SOX6: variants seen among roughly 807,000 people sequenced by gnomAD.
SOX6 encodes the protein transcription factor SOX-6.
A neutral mutation model predicts 97.8 loss-of-function variants in SOX6; 11 were observed. That is an observed-to-expected ratio of 0.11 (90% confidence interval 0.07 to 0.19). The LOEUF (loss-of-function observed/expected upper bound fraction) is 0.19, where lower values mean the gene tolerates loss of function less well. Ranked by LOEUF, SOX6 falls within the 10% of genes least tolerant of loss-of-function variation. SOX6 has a pLI of 1.00. For missense variants in SOX6, 810 were observed against 1,039.5 expected, an observed-to-expected ratio of 0.78 and a Z score of 3.04; for synonymous variants, 360 against 371.4, an observed-to-expected ratio of 0.97 and a Z score of 0.35.
chr11:16,263,848 C>T (rs958064551), intron 3 of SOX6, among the ~76,000 whole-genome samples: 1 of 151,788 alleles, frequency 6.6e-6, no homozygotes, highest in East Asian at 1.9e-4. Context: ...ACAGTTTATA[C>T]TCATTCTATC....
chr11:16,396,231 C>T (rs1430791301), intron 1 of SOX6, among the ~76,000 whole-genome samples: 4 of 151,682 alleles, frequency 2.6e-5, no homozygotes, highest in Non-Finnish European at 5.9e-5. Flanking sequence ...AAGCATTTAG[C>T]ACACAGAGCT....
chr11:16,600,539 A>G (rs1480918501), intron 4 of SOX6, among the ~76,000 whole-genome samples: 2 of 152,148 alleles, frequency 1.3e-5, no homozygotes, highest in African/African-American at 4.8e-5. Context: ...TGGAGCTGAG[A>G]GAGTCTGCAG....
intron 4 of SOX6, among the ~76,000 whole-genome samples, chr11:16,192,453 C>T (rs1851657783): frequency 6.6e-6 from 1 of 151,690 alleles, no homozygotes; most frequent in African/African-American, 2.4e-5. Context: ...GTCAATAATG[C>T]GTAAATAAGG....
chr11:16,074,883 T>C (rs1326325232), intron 9 of SOX6, among the ~76,000 whole-genome samples: 1 of 152,062 alleles, frequency 6.6e-6, no homozygotes, highest in Non-Finnish European at 1.5e-5. Context: ...AAAATTCATA[T>C]AGAACCAAAA....
intron 1 of SOX6, among the ~76,000 whole-genome samples, chr11:16,384,122 T>C (rs981380424): frequency 1.2e-4 from 18 of 151,960 alleles, no homozygotes; most frequent in African/African-American, 4.3e-4. Context: ...CACCCTCATA[T>C]ATATTATACC....
rs1847976019 is a variant in SOX6, at chr11:16,062,251, T to C, written c.1102-6350A>G. ...GATAGTCTAGTTAATAACAGTGTAG[T>C]TATTAACAGTCTAGTTAATAACAAA... On this transcript the variant is annotated intron_variant, in intron 9 of 15. Coordinates refer to ENST00000683767, the MANE Select transcript of SOX6 (RefSeq NM_001367873.1). Among the ~76,000 whole-genome samples, 3 of 151,718 alleles carry C rather than the reference T, an allele frequency of 2.0e-5. No homozygotes were observed. The South Asian group carries it at 6.2e-4, about 31-fold the overall frequency.
At chr11:16,149,457 T>C (rs1258284377) in intron 6 of SOX6, among the ~76,000 whole-genome samples, 2 of 152,124 alleles carry the variant, frequency 1.3e-5, no homozygotes, top group African/African-American at 4.8e-5. Flanking sequence ...AGGGAGAATA[T>C]GTGCTTCATT....
chr11:16,273,537 G>A (rs1243387874), intron 3 of SOX6, among the ~76,000 whole-genome samples: 1 of 151,754 alleles, frequency 6.6e-6, no homozygotes, highest in Non-Finnish European at 1.5e-5. Flanking sequence ...AAAGCTACAT[G>A]TCACCTCAGC....
chr11:16,263,401 A>G (rs1264035241), intron 3 of SOX6, among the ~76,000 whole-genome samples: 3 of 152,008 alleles, frequency 2.0e-5, no homozygotes, highest in African/African-American at 7.2e-5. Flanking sequence ...TTCAATTTGT[A>G]CTATAGAAAG....
chr11:16,500,253 T>C (rs1860680610), intron 4 of SOX6, among the ~76,000 whole-genome samples: 1 of 152,100 alleles, frequency 6.6e-6, no homozygotes, highest in Admixed American at 6.5e-5. Context: ...TTTGACAAAA[T>C]TCAACAACTC....
chr11:16,246,516 A>G (rs1853339985), intron 3 of SOX6, among the ~76,000 whole-genome samples: 2 of 152,050 alleles, frequency 1.3e-5, no homozygotes, highest in Admixed American at 6.5e-5. Flanking sequence ...TTCTAATTAT[A>G]AAATTGTAGG....
intron 2 of SOX6, among the ~76,000 whole-genome samples, chr11:16,725,328 G>A (rs559603013): frequency 1.2e-4 from 19 of 152,164 alleles, no homozygotes; most frequent in African/African-American, 3.1e-4. Flanking sequence ...GTTAGACACC[G>A]GTGTGGACAA....
chr11:15,993,185 A>G (rs553264114), intron 13 of SOX6, among the ~76,000 whole-genome samples: 1 of 152,348 alleles, frequency 6.6e-6, no homozygotes, highest in Admixed American at 6.5e-5. Context: ...CATACTATAA[A>G]TTGTTTTCAA....
intron 4 of SOX6, among the ~76,000 whole-genome samples, chr11:16,524,408 G>C (rs977516514): frequency 2.0e-5 from 3 of 151,984 alleles, no homozygotes; most frequent in Non-Finnish European, 4.4e-5. Context: ...TGCAGAAAAG[G>C]CCTTTGACAA....
chr11:16,244,967 G>A (rs533551159), intron 3 of SOX6, among the ~76,000 whole-genome samples: 2 of 151,720 alleles, frequency 1.3e-5, no homozygotes, highest in South Asian at 4.2e-4. Flanking sequence ...ATAAATTTTA[G>A]AATTGGTTTG....
Position 15,976,264 on chromosome 11 carries a change from G to A in SOX6, c.2184-3152C>T, listed in dbSNP as rs1170553615. Among the ~76,000 whole-genome samples, 3 of 152,170 alleles carry A rather than the reference G, an allele frequency of 2.0e-5. No individual in the cohort carries two copies. In the East Asian group the frequency reaches 5.8e-4, roughly 29 times the overall value. On this transcript the variant is annotated intron_variant, in intron 15 of 15. Coordinates refer to ENST00000683767, the MANE Select transcript of SOX6 (RefSeq NM_001367873.1). ...AGGTTATGTGGTATGGTGAGCTCAG[G>A]TTTTGGAGTCAGAATGGCTTGGGTT...
At chr11:16,582,950 G>T (rs1482310056) in intron 4 of SOX6, among the ~76,000 whole-genome samples, 1 of 151,882 alleles carries the variant, frequency 6.6e-6, no homozygotes, top group Admixed American at 6.6e-5. Context: ...TCACAAAGAT[G>T]GCAAGACGCT....
At chr11:16,481,197 T>C (rs935747374), upstream of SOX6, among the ~76,000 whole-genome samples, 1 of 152,146 alleles carries the variant, frequency 6.6e-6, no homozygotes, top group Non-Finnish European at 1.5e-5. Context: ...AACTCCATAA[T>C]GCTTAGTTTT....
intron 1 of SOX6, among the ~76,000 whole-genome samples, chr11:16,406,794 G>A (rs1158604456): frequency 1.3e-5 from 2 of 152,126 alleles, no homozygotes; most frequent in African/African-American, 4.8e-5. Flanking sequence ...GTCATTTGAT[G>A]ACTCCCAAAG....
Sources: allele counts gnomAD v4.1 joint callset (sites outside exome capture counted in the v4.1 genomes callset), GRCh38; gene constraint gnomAD v4.1.1; transcripts MANE v1.5; gene names NCBI Gene and HGNC (gene_info 2026-07-23, HGNC 2026-07-21).